MUSK: variants seen among roughly 807,000 people sequenced by gnomAD.
MUSK encodes the protein muscle associated receptor tyrosine kinase, also known as muscle, skeletal receptor tyrosine-protein kinase.
MUSK carries 55 observed loss-of-function variants against 88.7 expected under a neutral mutation model. That is an observed-to-expected ratio of 0.62 (90% CI 0.50 to 0.78). MUSK has a LOEUF of 0.78. MUSK is among the 30% of genes least tolerant of loss of function. The pLI, the probability that MUSK is intolerant of heterozygous loss-of-function variation, is 0.00. For missense variants in MUSK, 1,015 were observed against 1,074.3 expected, an observed-to-expected ratio of 0.94 and a Z score of 0.77; for synonymous variants, 387 against 391.9, an observed-to-expected ratio of 0.99 and a Z score of 0.15.
At chr9:110,789,397 A>G (rs1195453510) in intron 14 of MUSK, among the ~76,000 whole-genome samples, 3 of 152,238 alleles carry the variant, frequency 2.0e-5, no homozygotes, top group Non-Finnish European at 4.4e-5. Flanking sequence ...GGCTGTGCAG[A>G]TGAGTGAATG....
At chr9:110,742,316 C>T (rs1290663418) in intron 6 of MUSK, among the ~76,000 whole-genome samples, 8 of 152,016 alleles carry the variant, frequency 5.3e-5, no homozygotes, top group South Asian at 4.1e-4. Flanking sequence ...TTTAGTCAGG[C>T]GTGGTGGCAC....
chr9:110,729,999 CA>C (rs1159811508), intron 5 of MUSK, among the ~76,000 whole-genome samples: 1 of 151,976 alleles, frequency 6.6e-6, no homozygotes, highest in Non-Finnish European at 1.5e-5. Flanking sequence ...AAACTGATTA[CA>C]TATCTGAAAG....
At chr9:110,778,890 C>T (rs1479388120) in intron 11 of MUSK, among the ~76,000 whole-genome samples, 1 of 152,036 alleles carries the variant, frequency 6.6e-6, no homozygotes, top group African/African-American at 2.4e-5. Context: ...TTAAGAAGCT[C>T]TAATTGATAA....
intron 4 of MUSK, among the ~76,000 whole-genome samples, chr9:110,696,270 T>C (rs1234336617): frequency 6.8e-6 from 1 of 148,140 alleles, no homozygotes; most frequent in Non-Finnish European, 1.5e-5. Context: ...AGAATGAGAC[T>C]CCATCTCAAA....
rs1432080568 is a variant in MUSK at position 110,804,212 on chromosome 9, T to C, written c.*3224T>C. ...TTAGGTTTTTTCCAATTTTTATCAT[T>C]ATAAAAAATGCTGTAATTAACATCC... is the stretch of plus-strand genomic sequence containing the variant. On this transcript the variant is annotated 3_prime_UTR_variant, in exon 15 of 15. Transcript: ENST00000374448. Among the ~76,000 whole-genome samples, 1 of 152,182 alleles carries C rather than the reference T, an allele frequency of 6.6e-6. No individual in the cohort carries two copies. Among genetic ancestry groups the C allele is most frequent in the African/African-American group, 2.4e-5 (1 of 41,460 alleles).
intron 5 of MUSK, among the ~76,000 whole-genome samples, chr9:110,708,804 CAT>C (rs906425769): frequency 1.6e-4 from 24 of 152,078 alleles, no homozygotes; most frequent in Non-Finnish European, 2.2e-4. Context: ...CAAGTCAACA[CAT>C]AGTTAGGCCC....
Position 110,734,249 on chromosome 9 carries a change from A to C in MUSK, c.629-2A>C. On this transcript the variant is annotated splice_acceptor_variant, in intron 5 of 14. Coordinates refer to ENST00000374448, the MANE Select transcript of MUSK (RefSeq NM_005592.4). LOFTEE classifies it high-confidence loss of function. ...CACTCACCACTTCTGTCTTCCTAAC[A>C]GTTTTTGCCAGGATCCTGCGGGCTC... 1 of 1,610,592 alleles carries C rather than the reference A, an allele frequency of 6.2e-7. No individual in the cohort carries two copies. The highest frequency in any genetic ancestry group is 8.5e-7 in the Non-Finnish European group (1 of 1,178,224).
At chr9:110,759,053 G>T (rs887849020) in intron 7 of MUSK, among the ~76,000 whole-genome samples, 5 of 152,274 alleles carry the variant, frequency 3.3e-5, no homozygotes, top group African/African-American at 1.2e-4. Context: ...AACAAAGCTG[G>T]AGGAATCATG....
At chr9:110,745,058 G>T (rs560070015) in intron 6 of MUSK, among the ~76,000 whole-genome samples, 1 of 152,224 alleles carries the variant, frequency 6.6e-6, no homozygotes, top group Non-Finnish European at 1.5e-5. Context: ...AATGGGGCCT[G>T]CTGTGCGTGA....
chr9:110,801,033 CTG>C lies in MUSK; in HGVS notation c.*48_*49del. 6.9e-7 allele frequency: 1 copy of C among 1,453,380 alleles called. No individual in the cohort carries two copies. The highest frequency in any genetic ancestry group is 9.1e-7 in the Non-Finnish European group (1 of 1,103,790). The allele number at this position is 1,453,380 out of a possible 1,614,324, so 90.0% of individuals were successfully genotyped here. A position where few individuals can be genotyped will look rare whatever the true frequency, so the allele number is the denominator to read the frequency against. ...AAATGCTGCAGTTTCCTCTCAGACT[CTG>C]TGAGCCAGGGGAATCCTACACCAGA... On this transcript the variant is annotated 3_prime_UTR_variant, in exon 15 of 15. Transcript: ENST00000374448.
intron 6 of MUSK, among the ~76,000 whole-genome samples, chr9:110,741,875 G>A (rs969158299): frequency 6.6e-6 from 1 of 151,994 alleles, no homozygotes; most frequent in Non-Finnish European, 1.5e-5. Flanking sequence ...TTTGGGGTCC[G>A]TTTACAACTC....
At chr9:110,763,099 T>C (rs1053816653) in intron 8 of MUSK, among the ~76,000 whole-genome samples, 4 of 152,190 alleles carry the variant, frequency 2.6e-5, no homozygotes, top group Non-Finnish European at 5.9e-5. Context: ...ACAGTTTTTT[T>C]TAACTAAAAA....
At chr9:110,722,767 T>C (rs1424174401) in intron 5 of MUSK, among the ~76,000 whole-genome samples, 1 of 151,358 alleles carries the variant, frequency 6.6e-6, no homozygotes, top group Admixed American at 6.6e-5. Context: ...GATATACAAA[T>C]GGCCAACAAG....
At chr9:110,780,881 A>G (rs1259381709) in intron 11 of MUSK, among the ~76,000 whole-genome samples, 1 of 152,184 alleles carries the variant, frequency 6.6e-6, no homozygotes, top group Non-Finnish European at 1.5e-5. Flanking sequence ...GGAGCTTGAG[A>G]TAAGCTATGA....
chr9:110,769,076 G>A (rs1200851057), intron 9 of MUSK, among the ~76,000 whole-genome samples: 2 of 152,036 alleles, frequency 1.3e-5, no homozygotes, highest in African/African-American at 4.8e-5. Flanking sequence ...CATCTGCACG[G>A]TAGAATTGAG....
rs963538327 is a variant in MUSK at position 110,805,029 on chromosome 9, A to G, written c.*4041A>G. Among the ~76,000 whole-genome samples, 3 of 151,938 alleles carry G rather than the reference A, an allele frequency of 2.0e-5. No individual in the cohort carries two copies. The highest frequency in any genetic ancestry group is 7.2e-5 in the African/African-American group (3 of 41,448). ...TGAACAAGTATTCATGTGCAACATT[A>G]ATTTTGATGGTTGAATAGTATTATA... On this transcript the variant is annotated 3_prime_UTR_variant, in exon 15 of 15. Coordinates refer to ENST00000374448, the MANE Select transcript of MUSK (RefSeq NM_005592.4).
At chr9:110,770,350 TAATA>T (rs906687972) in intron 9 of MUSK, among the ~76,000 whole-genome samples, 8 of 146,336 alleles carry the variant, frequency 5.5e-5, no homozygotes, top group Middle Eastern at 3.6e-3. Context: ...ATTATATTAA[TAATA>T]AATAATACTT....
intron 5 of MUSK, among the ~76,000 whole-genome samples, chr9:110,723,358 A>G (rs1208999604): frequency 6.6e-6 from 1 of 152,042 alleles, no homozygotes; most frequent in Non-Finnish European, 1.5e-5. Flanking sequence ...TTCTAAGTGA[A>G]GTAACTCAGG....
rs111630775 is a variant in MUSK at position 110,755,979 on chromosome 9, C to CGTATATATATATACGT, written c.914-6223_914-6222insGTATATATATATACGT. On this transcript the variant is annotated intron_variant, in intron 7 of 14. Coordinates refer to ENST00000374448, the MANE Select transcript of MUSK (RefSeq NM_005592.4). ...ATATATATATACATATATATATATA[C>CGTATATATATATACGT]ATATATATATATATATATGAATTTA... Among the ~76,000 whole-genome samples, 27 of 102,520 alleles carry CGTATATATATATACGT rather than the reference C, an allele frequency of 2.6e-4. 1 individual carries two copies. In the East Asian group the frequency reaches 9.5e-3, roughly 36 times the overall value. The allele number at this position is 102,520 out of a possible 152,430, so 67.3% of individuals were successfully genotyped here.
Sources: allele counts gnomAD v4.1 joint callset (sites outside exome capture counted in the v4.1 genomes callset), GRCh38; gene constraint gnomAD v4.1.1; transcripts MANE v1.5; gene names NCBI Gene and HGNC (gene_info 2026-07-23, HGNC 2026-07-21).